Variants in SLC24A2 observed in about 807,000 individuals in gnomAD.
The protein encoded by SLC24A2 is sodium/potassium/calcium exchanger 2.
A neutral mutation model predicts 62.0 loss-of-function variants in SLC24A2; 36 were observed. The observed-to-expected ratio is 0.58, with a 90% CI of 0.44 to 0.77. The LOEUF is 0.77. Ranked by LOEUF, SLC24A2 falls within the 30% of genes least tolerant of loss-of-function variation. SLC24A2 has a pLI of 0.00. For missense variants in SLC24A2, 846 were observed against 817.9 expected (o/e 1.03, Z -0.42); for synonymous variants, 358 against 294.0 (o/e 1.22, Z -2.23).
the SLC24A2 span, among the ~76,000 whole-genome samples, chr9:20,289,295 T>G: frequency 1.3e-5 from 2 of 152,212 alleles, no homozygotes; most frequent in African/African-American, 4.8e-5. Context: ...GTTTGCTTCT[T>G]GCACTCTTTC....
chr9:19,561,412 G>C (rs1479881498), intron 7 of SLC24A2, among the ~76,000 whole-genome samples: 1 of 150,360 alleles, frequency 6.7e-6, no homozygotes, highest in East Asian at 2.0e-4. Flanking sequence ...AACCAACAGA[G>C]CTAACAGTTA....
At chr9:19,565,856 A>C (rs895019846) in intron 7 of SLC24A2, among the ~76,000 whole-genome samples, 2 of 151,918 alleles carry the variant, frequency 1.3e-5, no homozygotes, top group Non-Finnish European at 2.9e-5. Context: ...CAAAAACAAG[A>C]AATGGGGAAA....
intron 2 of SLC24A2, among the ~76,000 whole-genome samples, chr9:19,700,421 G>T (rs142682547): frequency 6.6e-6 from 1 of 152,212 alleles, no homozygotes; most frequent in African/African-American, 2.4e-5. Flanking sequence ...TAATTTTAAA[G>T]CATATTATTT....
chr9:19,851,545 T>G, the SLC24A2 span, among the ~76,000 whole-genome samples: 1 of 152,138 alleles, frequency 6.6e-6, no homozygotes, highest in Non-Finnish European at 1.5e-5. Flanking sequence ...GTTCTCATTG[T>G]TCAGCTCCCG....
chr9:19,863,076 A>C, the SLC24A2 span, among the ~76,000 whole-genome samples: 1 of 152,098 alleles, frequency 6.6e-6, no homozygotes, highest in Non-Finnish European at 1.5e-5. Context: ...TGCCATTGGA[A>C]GCCAAAAAAG....
At position 19,599,514 on chromosome 9, in the gene SLC24A2, A is replaced by G. The variant is rs1465392212; in HGVS notation, c.1079-2235T>C. Among the ~76,000 whole-genome samples, 1 of 152,194 alleles carries G rather than the reference A, an allele frequency of 6.6e-6. No homozygotes were observed. The highest frequency in any genetic ancestry group is 1.5e-5 in the Non-Finnish European group (1 of 68,032). ...GAACCATGTTTACAGTTTACTGAAGAAAAGTCAGAAAAGAATGGAGATGGA... is the reference window on the plus strand; with the variant it reads ...GAACCATGTTTACAGTTTACTGAAGGAAAGTCAGAAAAGAATGGAGATGGA... On this transcript the variant is annotated intron_variant, in intron 4 of 10. Coordinates refer to ENST00000341998, the MANE Select transcript of SLC24A2 (RefSeq NM_020344.4). This position sits in a 1 kb window ranked among gnomAD's most constrained non-coding sequence, Gnocchi z 4.5.
chr9:19,678,528 C>T (rs974816066), intron 2 of SLC24A2, among the ~76,000 whole-genome samples: 1 of 152,174 alleles, frequency 6.6e-6, no homozygotes, highest in Non-Finnish European at 1.5e-5. Flanking sequence ...ATTTAAAAAA[C>T]ATTGCAGGTT....
chr9:19,822,750 T>C, the SLC24A2 span, among the ~76,000 whole-genome samples: 30 of 152,262 alleles, frequency 2.0e-4, no homozygotes, highest in African/African-American at 5.8e-4. Flanking sequence ...AATAAGACTA[T>C]TGTTTACAAG....
In SLC24A2 at chr9:19,788,889, A is replaced by G. The variant is rs879422351; in HGVS notation, c.-158T>C. ...GGCGCAGCCGCCCGCACTTACCAGG[A>G]TAAGATGGGAGGACGCGCACACGGC... is the stretch of plus-strand genomic sequence containing the variant. On this transcript the variant is annotated 5_prime_UTR_variant, in exon 1 of 11. Coordinates refer to ENST00000341998, the MANE Select transcript of SLC24A2 (RefSeq NM_020344.4). 2 of 985,252 alleles carry G rather than the reference A, an allele frequency of 2.0e-6. No individual in the cohort carries two copies. The highest frequency in any genetic ancestry group is 1.7e-5 in the African/African-American group (1 of 57,242). 61.0% of individuals were successfully genotyped at this position (985,252 alleles called of 1,614,324 possible).
At chr9:19,696,713 G>GA in intron 2 of SLC24A2, among the ~76,000 whole-genome samples, 1 of 152,132 alleles carries the variant, frequency 6.6e-6, no homozygotes, top group Non-Finnish European at 1.5e-5. Flanking sequence ...TCTCATTCAT[G>GA]AAGCAGGAAT....
At chr9:20,150,164 C>G in the SLC24A2 span, among the ~76,000 whole-genome samples, 3 of 151,946 alleles carry the variant, frequency 2.0e-5, no homozygotes, top group African/African-American at 7.2e-5. Flanking sequence ...ATAGCTTGAA[C>G]AAGAAATAAG....
At chr9:19,959,910 GA>G in the SLC24A2 span, among the ~76,000 whole-genome samples, 1 of 152,182 alleles carries the variant, frequency 6.6e-6, no homozygotes, top group Non-Finnish European at 1.5e-5. Context: ...CTTAGAAAGG[GA>G]AAAAGTTTAT....
At chr9:19,879,976 GA>G in the SLC24A2 span, among the ~76,000 whole-genome samples, 1 of 151,988 alleles carries the variant, frequency 6.6e-6, no homozygotes, top group Admixed American at 6.6e-5. Context: ...AAGATATTCT[GA>G]AAGGTAGACT....
intron 2 of SLC24A2, among the ~76,000 whole-genome samples, chr9:19,744,067 C>A (rs1275232612): frequency 6.6e-6 from 1 of 152,112 alleles, no homozygotes; most frequent in African/African-American, 2.4e-5. Context: ...CAGTATACCT[C>A]ACCTCATATG....
the SLC24A2 span, among the ~76,000 whole-genome samples, chr9:19,983,729 A>G: frequency 1.2e-4 from 19 of 152,206 alleles, no homozygotes; most frequent in Non-Finnish European, 1.9e-4. Flanking sequence ...TGCATTTACA[A>G]TTGCATGCAA....
chr9:19,889,552 G>C, the SLC24A2 span, among the ~76,000 whole-genome samples: 1 of 152,142 alleles, frequency 6.6e-6, no homozygotes, highest in Admixed American at 6.5e-5. Flanking sequence ...TGTCTTTTCA[G>C]GGGTGAGGGA....
At chr9:20,191,396 C>T in the SLC24A2 span, among the ~76,000 whole-genome samples, 1 of 151,918 alleles carries the variant, frequency 6.6e-6, no homozygotes, top group Admixed American at 6.6e-5. Context: ...ATAAATGGTG[C>T]CTTCCCGTGC....
chr9:20,184,526 C>A, the SLC24A2 span, among the ~76,000 whole-genome samples: 1 of 152,192 alleles, frequency 6.6e-6, no homozygotes, highest in East Asian at 1.9e-4. Context: ...TCCAGCCTGG[C>A]AACAGAGCGA....
At chr9:19,828,114 G>A in the SLC24A2 span, among the ~76,000 whole-genome samples, 1 of 152,084 alleles carries the variant, frequency 6.6e-6, no homozygotes, top group South Asian at 2.1e-4. Flanking sequence ...AAGTAGAAGT[G>A]CAGGCACTTT....
Sources: allele counts gnomAD v4.1 joint callset (sites outside exome capture counted in the v4.1 genomes callset), GRCh38; gene constraint gnomAD v4.1.1; non-coding constraint Gnocchi (gnomAD v3.1); transcripts MANE v1.5; gene names NCBI Gene and HGNC (gene_info 2026-07-23, HGNC 2026-07-21).